The following TNKS variants were observed in gnomAD, a reference collection of about 807,000 sequenced individuals.
The protein encoded by TNKS is tankyrase, also known as poly [ADP-ribose] polymerase tankyrase-1.
Under a neutral mutation model 135.8 loss-of-function variants are expected in TNKS, and 72 were observed. The ratio of observed to expected loss-of-function variants is 0.53; its 90% CI spans 0.44 to 0.64. The LOEUF is 0.64. TNKS is among the 30% of genes least tolerant of loss of function. TNKS has a pLI of 0.00. For synonymous variants in TNKS, 849 were observed against 649.3 expected (o/e 1.31, Z -4.68); for missense variants, 1,769 against 1,674.0 (o/e 1.06, Z -0.99).
intron 3 of TNKS, among the ~76,000 whole-genome samples, chr8:9,630,449 G>C (rs142609092): frequency 6.6e-6 from 1 of 152,166 alleles, no homozygotes; most frequent in African/African-American, 2.4e-5. Context: ...TGGTTGGTTT[G>C]TTTGTTAAAT....
intron 17 of TNKS, among the ~76,000 whole-genome samples, chr8:9,743,290 G>C (rs1433159657): frequency 6.6e-6 from 1 of 152,074 alleles, no homozygotes; most frequent in Non-Finnish European, 1.5e-5. Context: ...TTTTCAGCTT[G>C]GAAGGAAAAT....
Position 9,751,857 on chromosome 8 carries a change from C to T in TNKS, c.3070+11C>T, listed in dbSNP as rs781496993. ...GGAAGGAAGGAGAAGGTGAGTAGAC[C>T]CCATGAATGCTTATTTATTTATACC... On this transcript the variant is annotated intron_variant, in intron 19 of 26. Coordinates refer to ENST00000310430, the MANE Select transcript of TNKS (RefSeq NM_003747.3). 16 of 1,609,560 alleles carry T rather than the reference C, an allele frequency of 9.9e-6. No homozygotes were observed. The highest frequency in any genetic ancestry group is 1.4e-5 in the Non-Finnish European group (16 of 1,176,260).
At chr8:9,625,278 T>C (rs1800015396) in intron 3 of TNKS, among the ~76,000 whole-genome samples, 1 of 152,010 alleles carries the variant, frequency 6.6e-6, no homozygotes, top group Non-Finnish European at 1.5e-5. Flanking sequence ...TCCCGTTTCA[T>C]TCCTGATATT....
At chr8:9,636,417 T>C (rs12547642) in intron 3 of TNKS, among the ~76,000 whole-genome samples, 89,661 of 151,978 alleles carry the variant, frequency 0.59, 26,859 homozygotes, top group Middle Eastern at 0.7. Context: ...ATTATTAGTG[T>C]TTATAAAGAG....
chr8:9,670,664 G>C (rs1802233631), intron 3 of TNKS: 1 of 152,116 alleles, frequency 6.6e-6, no homozygotes, highest in South Asian at 2.1e-4. Context: ...ATAATTTTCA[G>C]TTGGTGGTGT....
chr8:9,767,123 T>TTTAA (rs1362506911), intron 25 of TNKS, among the ~76,000 whole-genome samples: 1 of 151,014 alleles, frequency 6.6e-6, no homozygotes. Flanking sequence ...ACATAGACTC[T>TTTAA]TTAATTTACT....
At chr8:9,574,312 C>G (rs1053340001) in intron 1 of TNKS, among the ~76,000 whole-genome samples, 4 of 152,212 alleles carry the variant, frequency 2.6e-5, no homozygotes, top group African/African-American at 9.6e-5. Context: ...CCTTCCTCAA[C>G]TGGCGCCTCT....
intron 5 of TNKS, among the ~76,000 whole-genome samples, chr8:9,701,344 G>A (rs919422299): frequency 1.3e-5 from 2 of 152,176 alleles, no homozygotes; most frequent in African/African-American, 4.8e-5. Flanking sequence ...TTTATACAAA[G>A]AAAGTTGTGT....
At chr8:9,633,057 G>C (rs1054730383) in intron 3 of TNKS, among the ~76,000 whole-genome samples, 15 of 151,926 alleles carry the variant, frequency 9.9e-5, no homozygotes, top group Admixed American at 2.6e-4. Context: ...AGAGATAGTT[G>C]AATACAAGTT....
intron 3 of TNKS, among the ~76,000 whole-genome samples, chr8:9,615,919 C>T (rs33994795): frequency 0.58 from 88,498 of 152,022 alleles, 26,144 homozygotes; most frequent in Middle Eastern, 0.7. Context: ...ATCTTTCACT[C>T]GTATTTTAGT....
rs768626470 is a variant in TNKS, at chr8:9,733,457, A to T, written c.2313+13A>T. 6.9e-6 allele frequency: 11 copies of T among 1,598,514 alleles called. No homozygotes were observed. The highest frequency in any genetic ancestry group is 9.4e-6 in the Non-Finnish European group (11 of 1,172,004). ...GCTCCTTTTAAAAGTATGTAGTTTA[A>T]AAAGTTATGAAATATAACTAATTTT... On this transcript the variant is annotated intron_variant, in intron 15 of 26. Transcript: ENST00000310430.
chr8:9,765,809 G>T lies in TNKS; in HGVS notation c.3553+12G>T, dbSNP rs746385169. Reference sequence around the variant, plus strand: ...CATGTTGTTTCATGGTAAGCAGCGTGGCAGGGACGGTGGACGTCTCCCTGG... The same window carrying T: ...CATGTTGTTTCATGGTAAGCAGCGTTGCAGGGACGGTGGACGTCTCCCTGG... On this transcript the variant is annotated intron_variant, in intron 24 of 26. Transcript: ENST00000310430. 6.2e-7 allele frequency: 1 copy of T among 1,610,884 alleles called. No homozygotes were observed. The highest frequency in any genetic ancestry group is 1.1e-5 in the South Asian group (1 of 90,858).
At chr8:9,653,089 A>G (rs1176836284) in intron 3 of TNKS, among the ~76,000 whole-genome samples, 1 of 152,210 alleles carries the variant, frequency 6.6e-6, no homozygotes, top group Non-Finnish European at 1.5e-5. Flanking sequence ...GTTTAGGATG[A>G]AAGTCATAAA....
Position 9,726,621 on chromosome 8 carries a change from C to G in TNKS, c.1922-20C>G. On this transcript the variant is annotated intron_variant, in intron 12 of 26. Coordinates refer to ENST00000310430, the MANE Select transcript of TNKS (RefSeq NM_003747.3). Reference sequence around the variant, plus strand: ...ATGAGTTTGGATATATATATGAGTTCTTTCCTTCCTTTTATGCAGAGAGTA... The same window carrying G: ...ATGAGTTTGGATATATATATGAGTTGTTTCCTTCCTTTTATGCAGAGAGTA... The G allele has an allele frequency of 6.3e-7, 1 of 1,580,802 alleles. No individual in the cohort carries two copies. The highest frequency in any genetic ancestry group is 8.6e-7 in the Non-Finnish European group (1 of 1,159,150).
chr8:9,584,918 T>C (rs530336830), intron 2 of TNKS, among the ~76,000 whole-genome samples: 87 of 152,250 alleles, frequency 5.7e-4, no homozygotes, highest in African/African-American at 2.0e-3. Context: ...GCATGTGGGA[T>C]TGTCACTGTG....
At chr8:9,776,605 G>C in intron 26 of TNKS, 45 bp from the exon 27 acceptor site, 1 of 1,568,362 alleles carries the variant, frequency 6.4e-7, no homozygotes, top group South Asian at 1.1e-5. Flanking sequence ...CTTTAATATT[G>C]TGCCTACTAG....
rs373138521 is a variant in TNKS at position 9,748,241 on chromosome 8, T to C, written c.2832+29T>C. 5 of 1,442,668 alleles carry C rather than the reference T, an allele frequency of 3.5e-6. No homozygotes were observed. The Admixed American group carries it at 1.3e-4, about 37-fold the overall frequency. 89.4% of individuals were successfully genotyped at this position (1,442,668 alleles called of 1,614,324 possible). A position where few individuals can be genotyped will look rare whatever the true frequency, so the allele number is the denominator to read the frequency against. On this transcript the variant is annotated intron_variant, in intron 18 of 26. Coordinates refer to ENST00000310430, the MANE Select transcript of TNKS (RefSeq NM_003747.3). Reference sequence around the variant, plus strand: ...AGTCCTCATTTCAGATACTGATTATTGTTCCTTCTACTTTCACAGATGACA... The same window carrying C: ...AGTCCTCATTTCAGATACTGATTATCGTTCCTTCTACTTTCACAGATGACA...
intron 5 of TNKS, among the ~76,000 whole-genome samples, chr8:9,704,403 A>C (rs1030675648): frequency 6.6e-6 from 1 of 152,162 alleles, no homozygotes; most frequent in Non-Finnish European, 1.5e-5. Flanking sequence ...ATAGGAAATC[A>C]TGTAGAATAG....
intron 8 of TNKS, 88 bp downstream of exon 8, chr8:9,707,085 C>G (rs990984056): frequency 3.1e-5 from 36 of 1,164,552 alleles, no homozygotes; most frequent in Non-Finnish European, 4.2e-5. Flanking sequence ...AATAACCTTC[C>G]ATTCTTACAA....
Sources: allele counts gnomAD v4.1 joint callset (sites outside exome capture counted in the v4.1 genomes callset), GRCh38; gene constraint gnomAD v4.1.1; transcripts MANE v1.5; gene names NCBI Gene and HGNC (gene_info 2026-07-23, HGNC 2026-07-21).